Variants in PHIP observed in about 807,000 individuals in gnomAD.
PHIP encodes PHIP subunit of CUL4-Ring ligase complex.
A neutral mutation model predicts 236.8 loss-of-function variants in PHIP; 54 were observed. The ratio of observed to expected loss-of-function variants is 0.23; its 90% CI spans 0.18 to 0.29. PHIP has a LOEUF of 0.29. Among genes scored for constraint, PHIP ranks in the 10% least tolerant of loss-of-function variants. The pLI is 1.00. For synonymous variants in PHIP, 756 were observed against 718.9 expected, an observed-to-expected ratio of 1.05 and a Z score of -0.83; for missense variants, 1,370 against 2,190.8, an observed-to-expected ratio of 0.63 and a Z score of 7.48.
In PHIP at chr6:78,986,017, AATG is replaced by A. The variant is rs532715936; in HGVS notation, c.2461-592_2461-590del. Among the ~76,000 whole-genome samples the A allele has an allele frequency of 5.9e-5, 9 of 152,304 alleles. No individual in the cohort carries two copies. The East Asian group carries it at 1.2e-3, about 20-fold the overall frequency. ...AAAGCCTCATAACGTATCTAGATAA[AATG>A]ATAACAAATTCCATATTTACATTTG... On this transcript the variant is annotated intron_variant, in intron 21 of 39. Transcript: ENST00000275034.
intron 23 of PHIP, among the ~76,000 whole-genome samples, chr6:78,981,005 G>A (rs889560954): frequency 2.0e-5 from 3 of 151,894 alleles, no homozygotes; most frequent in Admixed American, 6.6e-5. Context: ...AAGACTTTGG[G>A]CATCACCAAA....
At chr6:79,010,801 C>A (rs1770535413) in intron 15 of PHIP, among the ~76,000 whole-genome samples, 1 of 151,762 alleles carries the variant, frequency 6.6e-6, no homozygotes, top group South Asian at 2.1e-4. Flanking sequence ...TGGCCTAGTA[C>A]TAAGAAATGT....
At chr6:78,982,587 A>C (rs1347094071) in intron 23 of PHIP, among the ~76,000 whole-genome samples, 1 of 152,080 alleles carries the variant, frequency 6.6e-6, no homozygotes, top group Non-Finnish European at 1.5e-5. Flanking sequence ...ATCATTATGT[A>C]TTTCACATAA....
Position 78,990,937 on chromosome 6 carries a change from A to C in PHIP, c.2250T>G (p.Thr750=). The C allele has an allele frequency of 6.2e-7, 1 of 1,611,976 alleles. No individual in the cohort carries two copies. The highest frequency in any genetic ancestry group is 8.5e-7 in the Non-Finnish European group (1 of 1,178,514). The part of the protein sequence containing the change: ...RTAKGEEEIK[T]YRSEEKRKHL... The stretch of plus-strand genomic sequence containing the variant: ...GTTTTCTTTTCTCTTCTGACCTGTA[A>C]GTCTTTATTTCTTCTTCTCCCTTTG... The change falls in exon 20 of 40, where the codon ACT becomes ACG. Residue 750 remains threonine (T), a synonymous_variant. Transcript: ENST00000275034.
At chr6:79,010,695 A>T (rs1179061311) in intron 15 of PHIP, among the ~76,000 whole-genome samples, 1 of 151,792 alleles carries the variant, frequency 6.6e-6, no homozygotes, top group African/African-American at 2.4e-5. Context: ...TAAGAGAAAT[A>T]AAGCAAAACC....
Position 78,940,942 on chromosome 6 carries a change from C to T in PHIP, c.5217G>A (p.Arg1739=). 1 of 1,613,976 alleles carries T rather than the reference C, an allele frequency of 6.2e-7. No homozygotes were observed. The highest frequency in any genetic ancestry group is 8.5e-7 in the Non-Finnish European group (1 of 1,179,928). ...CATCTATCTTTTTTCGGTTACTTCT[C>T]CTTAACACTTTGACACTTGCAGGGA... ...LLVPASVKVL[R]RSNRKKIDDP... Residue 1739 remains arginine, a synonymous_variant, in exon 40 of 40, where the codon AGG becomes AGA. Transcript: ENST00000275034.
At chr6:78,985,306 TA>T in intron 22 of PHIP, 45 bp downstream of exon 22, 1 of 1,062,102 alleles carries the variant, frequency 9.4e-7, no homozygotes, top group East Asian at 2.4e-5. Flanking sequence ...AACACCTTTC[TA>T]AAGACTTTAT....
Position 78,939,902 on chromosome 6 carries a change from A to G in PHIP, c.*791T>C, listed in dbSNP as rs1773401751. ...CTCTTTAGAATATATAGCCTTTCCAATATTGAAAAGTGTATGCTGTCCTGA... is the reference window on the plus strand; with the variant it reads ...CTCTTTAGAATATATAGCCTTTCCAGTATTGAAAAGTGTATGCTGTCCTGA... On this transcript the variant is annotated 3_prime_UTR_variant, in exon 40 of 40. Coordinates refer to ENST00000275034, the MANE Select transcript of PHIP (RefSeq NM_017934.7). 6.6e-6 allele frequency: 1 copy of G among 152,460 alleles called. No homozygotes were observed. Among genetic ancestry groups the G allele is most frequent in the Non-Finnish European group, 1.5e-5 (1 of 67,910 alleles). 9.4% of individuals were successfully genotyped at this position (152,460 alleles called of 1,614,324 possible). A position where few individuals can be genotyped will look rare whatever the true frequency, so the allele number is the denominator to read the frequency against.
chr6:79,001,894 C>T lies in PHIP; in HGVS notation c.1879+5G>A. On this transcript the variant is annotated splice_donor_5th_base_variant and intron_variant, in intron 17 of 39. Transcript: ENST00000275034. Reference sequence around the variant, plus strand: ...ATTTGATTGTCTAAGAAAATGAGCACCTACCTGAGGAAGTTACTCCCATCT... The same window carrying T: ...ATTTGATTGTCTAAGAAAATGAGCATCTACCTGAGGAAGTTACTCCCATCT... 6.3e-7 allele frequency: 1 copy of T among 1,576,894 alleles called. No homozygotes were observed. The highest frequency in any genetic ancestry group is 8.7e-7 in the Non-Finnish European group (1 of 1,146,626).
At chr6:78,970,960 A>T (rs1767496210) in intron 24 of PHIP, 72 bp from the exon 25 acceptor site, 2 of 988,006 alleles carry the variant, frequency 2.0e-6, no homozygotes, top group South Asian at 3.1e-5. Context: ...TATCAGCTGA[A>T]ATTGCAAAGA....
In PHIP at chr6:79,071,496, T is replaced by C. The variant is rs186828170; in HGVS notation, c.189+5952A>G. The stretch of plus-strand genomic sequence containing the variant: ...AGAATGTTCACATTTAAAATGTCTT[T>C]CTAAAATTTTAAATTTGATTCCTAT... On this transcript the variant is annotated intron_variant, in intron 4 of 39. Transcript: ENST00000275034. Among the ~76,000 whole-genome samples the C allele has an allele frequency of 6.4e-4, 97 of 152,354 alleles. 1 individual carries two copies. In the South Asian group the frequency reaches 8.1e-3, roughly 13 times the overall value.
chr6:78,948,915 A>T (rs1773981651), intron 35 of PHIP, among the ~76,000 whole-genome samples: 1 of 152,224 alleles, frequency 6.6e-6, no homozygotes, highest in African/African-American at 2.4e-5. Flanking sequence ...GTGTCCTATA[A>T]GGTAGGATTA....
In PHIP at chr6:79,060,648, C is replaced by T. The variant is rs1372101544; in HGVS notation, c.340+20G>A. ...AAGTGAGATAAATAATGTCTAAATC[C>T]TATGAGAAAATTTTCATACTTTTAT... On this transcript the variant is annotated intron_variant, in intron 5 of 39. Coordinates refer to ENST00000275034, the MANE Select transcript of PHIP (RefSeq NM_017934.7). 6.2e-7 allele frequency: 1 copy of T among 1,609,322 alleles called. No homozygotes were observed. Among genetic ancestry groups the T allele is most frequent in the South Asian group, 1.1e-5 (1 of 90,442 alleles).
At chr6:79,072,786 T>C (rs1773952146) in intron 4 of PHIP, among the ~76,000 whole-genome samples, 1 of 152,174 alleles carries the variant, frequency 6.6e-6, no homozygotes, top group African/African-American at 2.4e-5. Flanking sequence ...TAATGTGGCC[T>C]TTTTATACTG....
chr6:78,987,145 C>G (rs907063774), intron 21 of PHIP, among the ~76,000 whole-genome samples: 12 of 152,028 alleles, frequency 7.9e-5, no homozygotes, highest in Admixed American at 2.0e-4. Flanking sequence ...ACTTGAAGGA[C>G]TTGTTGTAAC....
At chr6:79,053,271 G>A (rs9448617) in intron 6 of PHIP, among the ~76,000 whole-genome samples, 14,451 of 152,158 alleles carry the variant, frequency 0.095, 796 homozygotes, top group Middle Eastern at 0.14. Context: ...CCGACATTGC[G>A]CCACTGCACT....
intron 15 of PHIP, among the ~76,000 whole-genome samples, chr6:79,006,992 AAGG>A (rs1309279345): frequency 1.3e-5 from 2 of 152,024 alleles, no homozygotes; most frequent in African/African-American, 4.8e-5. Context: ...TTATTTTTAA[AAGG>A]AGGAGATGGG....
rs1773748910 is a variant in PHIP, at chr6:78,945,356, G to A, written c.4772C>T (p.Ser1591Leu). ...AGTGGACGCCTTTGGGAGTACAGAT[G>A]ACTTCATTTTACGTTTGACTGGCTT... ...KEKPVKRKMKSSVLPKASTLS... is the reference protein window; with the variant it reads ...KEKPVKRKMKLSVLPKASTLS... The change falls in exon 39 of 40, where the codon TCA becomes TTA. Residue 1591 changes from serine (S) to leucine (L), a missense_variant. By Grantham distance (145) the Ser-to-Leu change is moderately radical. Around this residue, in one of 14 missense-constraint regions of PHIP, gnomAD observed 309 missense variants for 328.3 expected, o/e 0.94. Coordinates refer to ENST00000275034, the MANE Select transcript of PHIP (RefSeq NM_017934.7). The A allele has an allele frequency of 6.2e-7, 1 of 1,613,684 alleles. No homozygotes were observed. Among genetic ancestry groups the A allele is most frequent in the African/African-American group, 1.3e-5 (1 of 75,028 alleles).
In PHIP at chr6:79,019,016, A is replaced by T. The variant is rs142789187; in HGVS notation, c.994+73T>A. On this transcript the variant is annotated intron_variant, in intron 10 of 39. Transcript: ENST00000275034. ...TAATACAACAGTAAATATTTTCCTA[A>T]ATATTACACACTCCACTATAAGGCT... 544 of 980,788 alleles carry T rather than the reference A, an allele frequency of 5.5e-4. 1 individual carries two copies. In the Admixed American group the frequency reaches 7.7e-3, roughly 14 times the overall value. The allele number at this position is 980,788 out of a possible 1,614,324, so 60.8% of individuals were successfully genotyped here.
Sources: gnomAD v4.1 joint callset for allele counts (sites outside exome capture counted in the v4.1 genomes callset) on GRCh38, gnomAD v4.1.1 for gene constraint, gnomAD v4.1.1 regional missense constraint, MANE v1.5 for transcripts, NCBI Gene and HGNC (gene_info 2026-07-23, HGNC 2026-07-21) for gene names.